MRPS31: variants seen among roughly 807,000 people sequenced by gnomAD.
MRPS31 encodes small ribosomal subunit protein mS31.
Under a neutral mutation model 43.1 loss-of-function variants are expected in MRPS31, and 32 were observed. The observed-to-expected ratio is 0.74, with a 90% CI of 0.56 to 1.00. MRPS31 has a LOEUF of 1.00. Ranked by LOEUF, MRPS31 falls within the 50% of genes least tolerant of loss-of-function variation. The pLI is 0.00. For missense variants in MRPS31, 437 were observed against 466.7 expected (o/e 0.94, Z 0.59); for synonymous variants, 165 against 161.6 (o/e 1.02, Z -0.16).
Position 40,750,742 on chromosome 13 carries a change from TTATATATATA to T in MRPS31, c.815-1471_815-1462del, listed in dbSNP as rs66521234. On this transcript the variant is annotated intron_variant, in intron 5 of 6. Coordinates refer to ENST00000323563, the MANE Select transcript of MRPS31 (RefSeq NM_005830.4). Reference sequence around the variant, plus strand: ...TGAATGCTTGCATTAGTATCCCATTTTATATATATATATATATATATATATATATATTACA... The same window carrying T: ...TGAATGCTTGCATTAGTATCCCATTTTATATATATATATATATATATTACA... Among the ~76,000 whole-genome samples, 586 of 130,842 alleles carry T rather than the reference TTATATATATA, an allele frequency of 4.5e-3. 6 individuals carry two copies. The highest frequency in any genetic ancestry group is 8.1e-3 in the Non-Finnish European group (503 of 62,256). 85.8% of individuals were successfully genotyped at this position (130,842 alleles called of 152,430 possible). A position where few individuals can be genotyped will look rare whatever the true frequency, so the allele number is the denominator to read the frequency against.
chr13:40,764,933 G>A (rs1796932454), intron 2 of MRPS31, among the ~76,000 whole-genome samples: 2 of 152,160 alleles, frequency 1.3e-5, no homozygotes, highest in South Asian at 2.1e-4. Context: ...TGTAGCCATG[G>A]TAACCATATC....
chr13:40,761,738 C>T (rs1880699905), intron 2 of MRPS31, among the ~76,000 whole-genome samples: 1 of 152,052 alleles, frequency 6.6e-6, no homozygotes, highest in African/African-American at 2.4e-5. Flanking sequence ...TTAAAATAAA[C>T]TGTATGACAT....
intron 1 of MRPS31, among the ~76,000 whole-genome samples, chr13:40,767,657 G>T (rs1297823644): frequency 6.6e-6 from 1 of 152,182 alleles, no homozygotes; most frequent in Non-Finnish European, 1.5e-5. Flanking sequence ...GGGGAGGTCT[G>T]GGGGTGCTGG....
At chr13:40,762,816 G>A (rs1352734088) in intron 2 of MRPS31, among the ~76,000 whole-genome samples, 2 of 148,798 alleles carry the variant, frequency 1.3e-5, no homozygotes, top group Admixed American at 6.7e-5. Flanking sequence ...GTGTGTGTGT[G>A]TGTGTGTGTG....
chr13:40,731,357 G>C (rs1879692526), intron 6 of MRPS31: 1 of 153,020 alleles, frequency 6.5e-6, no homozygotes, highest in African/African-American at 2.4e-5. Flanking sequence ...AGGTAGGGGG[G>C]CAGGTCACAA....
At chr13:40,749,423 A>C in intron 5 of MRPS31, 142 bp from the exon 6 acceptor site, 1 of 501,864 alleles carries the variant, frequency 2.0e-6, no homozygotes. Context: ...AGTTACTGAG[A>C]GATAACTGCA....
Position 40,729,619 on chromosome 13 carries a change from ATACAT to A in MRPS31, c.959-23_959-19del, listed in dbSNP as rs1879613403. ...ATCAAAACCTAGGAAATGAGACCAAATACATTACATTATAATTTTAAATACAAAAC... is the reference window on the plus strand; with the variant it reads ...ATCAAAACCTAGGAAATGAGACCAAATACATTATAATTTTAAATACAAAAC... On this transcript the variant is annotated intron_variant, in intron 6 of 6. Transcript: ENST00000323563. The A allele has an allele frequency of 5.0e-6, 7 of 1,386,494 alleles. No individual in the cohort carries two copies. Among genetic ancestry groups the A allele is most frequent in the Middle Eastern group, 3.6e-4 (2 of 5,620 alleles). The allele number at this position is 1,386,494 out of a possible 1,614,324, so 85.9% of individuals were successfully genotyped here.
chr13:40,746,176 T>A (rs572083693), intron 6 of MRPS31, among the ~76,000 whole-genome samples: 9 of 152,260 alleles, frequency 5.9e-5, no homozygotes, highest in African/African-American at 2.2e-4. Flanking sequence ...AAACAAAACA[T>A]CTTTCCCCAA....
chr13:40,735,590 G>C (rs373586796), intron 6 of MRPS31, among the ~76,000 whole-genome samples: 6,885 of 149,432 alleles, frequency 0.046, 300 homozygotes, highest in East Asian at 0.14. Context: ...ATCTGAGAAC[G>C]GGCAGACTGC....
chr13:40,760,134 C>T (rs1238394348), intron 2 of MRPS31, among the ~76,000 whole-genome samples: 3 of 77,898 alleles, frequency 3.9e-5, no homozygotes, highest in African/African-American at 1.4e-4. Flanking sequence ...TAGACTCTGT[C>T]AAAAAAAAAA....
intron 6 of MRPS31, among the ~76,000 whole-genome samples, chr13:40,747,302 T>C (rs181471288): frequency 6.6e-6 from 1 of 152,260 alleles, no homozygotes; most frequent in East Asian, 1.9e-4. Flanking sequence ...CCCAAGTTTC[T>C]TCAAATAATG....
In MRPS31 at chr13:40,729,196, T is replaced by C; in HGVS notation, c.*176A>G. On this transcript the variant is annotated 3_prime_UTR_variant, in exon 7 of 7. Coordinates refer to ENST00000323563, the MANE Select transcript of MRPS31 (RefSeq NM_005830.4). The stretch of plus-strand genomic sequence containing the variant: ...CTTTTGAACCTATGAATACTGATGA[T>C]TTTTCTCCATGCAAGAATATTTTTC... 1 of 468,564 alleles carries C rather than the reference T, an allele frequency of 2.1e-6. No homozygotes were observed. Among genetic ancestry groups the C allele is most frequent in the Non-Finnish European group, 3.8e-6 (1 of 265,192 alleles). 29.0% of individuals were successfully genotyped at this position (468,564 alleles called of 1,614,324 possible).
At chr13:40,756,751 A>G (rs1880538849) in intron 4 of MRPS31, 122 bp downstream of exon 4, 1 of 1,098,962 alleles carries the variant, frequency 9.1e-7, no homozygotes, top group Admixed American at 2.3e-5. Context: ...ACAGATGTAA[A>G]TGTATTCATA....
chr13:40,762,794 GTGTGTGT>G (rs1566111606), intron 2 of MRPS31, among the ~76,000 whole-genome samples: 43 of 28,358 alleles, frequency 1.5e-3, no homozygotes, highest in African/African-American at 6.8e-3. Context: ...GTGTGTGTGT[GTGTGTGT>G]GTGTGTGTGT....
At chr13:40,742,673 T>C (rs1346448879) in intron 6 of MRPS31, among the ~76,000 whole-genome samples, 1 of 152,212 alleles carries the variant, frequency 6.6e-6, no homozygotes, top group Non-Finnish European at 1.5e-5. Context: ...TGGATCATAT[T>C]ACAGCACATA....
chr13:40,733,770 C>G (rs1290518900), intron 6 of MRPS31, among the ~76,000 whole-genome samples: 1 of 151,840 alleles, frequency 6.6e-6, no homozygotes, highest in African/African-American at 2.4e-5. Context: ...CAGGAGTTCA[C>G]GACCAGCCTG....
intron 6 of MRPS31, among the ~76,000 whole-genome samples, chr13:40,732,630 C>T (rs554113658): frequency 1.6e-4 from 24 of 152,046 alleles, no homozygotes; most frequent in South Asian, 1.2e-3. Context: ...GTACCTGGAA[C>T]GCTGGGGGCA....
intron 1 of MRPS31, among the ~76,000 whole-genome samples, chr13:40,767,950 G>A (rs927226555): frequency 3.9e-5 from 6 of 152,144 alleles, no homozygotes; most frequent in African/African-American, 1.4e-4. Context: ...CCATTTGTAA[G>A]GAAAGCTAGA....
At chr13:40,739,517 C>G (rs1220187629) in intron 6 of MRPS31, among the ~76,000 whole-genome samples, 2 of 152,208 alleles carry the variant, frequency 1.3e-5, no homozygotes, top group African/African-American at 4.8e-5. Context: ...CTGGAGGCAT[C>G]ACACTACCTG....
Sources: allele counts gnomAD v4.1 joint callset (sites outside exome capture counted in the v4.1 genomes callset), GRCh38; gene constraint gnomAD v4.1.1; transcripts MANE v1.5; gene names NCBI Gene and HGNC (gene_info 2026-07-23, HGNC 2026-07-21).